Variants in SFI1 observed in about 807,000 individuals in gnomAD.
SFI1 encodes protein SFI1 homolog.
SFI1 carries 195 observed loss-of-function variants against 207.5 expected under a neutral mutation model. The ratio of observed to expected loss-of-function variants is 0.94; its 90% CI spans 0.84 to 1.06. The LOEUF is 1.06. SFI1 is among the 50% of genes least tolerant of loss of function. SFI1 has a pLI of 0.00. For synonymous variants in SFI1, 630 were observed against 598.9 expected (o/e 1.05, Z -0.76); for missense variants, 1,634 against 1,588.0 (o/e 1.03, Z -0.49).
At chr22:31,541,020 G>A (rs1274007223) in intron 4 of SFI1, among the ~76,000 whole-genome samples, 2 of 152,080 alleles carry the variant, frequency 1.3e-5, no homozygotes, top group East Asian at 1.9e-4. Context: ...TCGCCTCTCC[G>A]GAGATATACC....
At chr22:31,584,080 A>C in intron 13 of SFI1, 108 bp downstream of exon 13, 1 of 942,184 alleles carries the variant, frequency 1.1e-6, no homozygotes, top group Non-Finnish European at 1.7e-6. Flanking sequence ...GCAGATTCAG[A>C]AAGGCCTGCT....
chr22:31,508,085 A>T (rs529232336), intron 1 of SFI1, among the ~76,000 whole-genome samples, 170 bp from the exon 2 acceptor site: 24 of 149,632 alleles, frequency 1.6e-4, no homozygotes, highest in Admixed American at 3.4e-4. Context: ...CAAAAAAATT[A>T]AAAAAAAAAG....
intron 15 of SFI1, among the ~76,000 whole-genome samples, chr22:31,592,988 A>ACC (rs1429366473): frequency 1.3e-5 from 1 of 77,550 alleles, no homozygotes. Flanking sequence ...CGGGGGGCTG[A>ACC]CCCCCCCACC....
intron 2 of SFI1, among the ~76,000 whole-genome samples, chr22:31,511,383 C>T (rs894796370): frequency 6.6e-6 from 1 of 151,546 alleles, no homozygotes; most frequent in African/African-American, 2.4e-5. Context: ...CTCTTTAGGC[C>T]TGCTTTATTT....
chr22:31,560,193 A>T (rs2148245787), intron 7 of SFI1, among the ~76,000 whole-genome samples: 1 of 152,106 alleles, frequency 6.6e-6, no homozygotes, highest in Admixed American at 6.6e-5. Context: ...GTGTTTCTGT[A>T]AAGCACAGGT....
In SFI1 at chr22:31,618,136, C is replaced by T; in HGVS notation, c.3534C>T (p.Ser1178=). The part of the protein sequence containing the change: ...QNLWSCRRQA[S]SLRRWLELNR... ...TCAGGTCCTGTCGGCGGCAAGCGAG[C>T]AGCCTGCGCAGGTGGCTGGAGCTGA... The change falls in exon 32 of 33, where the codon AGC becomes AGT. Residue 1178 remains serine, a synonymous_variant. Transcript: ENST00000400288. 7.6e-6 allele frequency: 12 copies of T among 1,581,802 alleles called. No homozygotes were observed. Among genetic ancestry groups the T allele is most frequent in the Non-Finnish European group, 1.0e-5 (12 of 1,165,950 alleles).
intron 9 of SFI1, among the ~76,000 whole-genome samples, chr22:31,573,699 A>C (rs773152604): frequency 5.3e-5 from 8 of 152,128 alleles, no homozygotes; most frequent in African/African-American, 9.7e-5. Flanking sequence ...CAGCCTCCCA[A>C]AGTGCTGGGA....
intron 14 of SFI1, among the ~76,000 whole-genome samples, 186 bp downstream of exon 14, chr22:31,585,320 C>A (rs1434760500): frequency 1.3e-5 from 2 of 152,186 alleles, no homozygotes; most frequent in Non-Finnish European, 2.9e-5. Context: ...GTCTGCATAA[C>A]TCCCATTTCT....
At chr22:31,618,017 A>T (rs2072079461) in intron 31 of SFI1, 98 bp from the exon 32 acceptor site, 2 of 1,357,296 alleles carry the variant, frequency 1.5e-6, no homozygotes, top group Non-Finnish European at 2.0e-6. Context: ...TCTCCACCCG[A>T]TACCCGCATC....
At chr22:31,605,448 C>T (rs2068806371) in intron 20 of SFI1, 1 of 153,656 alleles carries the variant, frequency 6.5e-6, no homozygotes, top group African/African-American at 2.4e-5. Flanking sequence ...AAGCCCAACT[C>T]TAACCTCACT....
intron 6 of SFI1, among the ~76,000 whole-genome samples, chr22:31,553,835 TA>T: frequency 7.9e-6 from 1 of 126,570 alleles, no homozygotes; most frequent in Admixed American, 8.7e-5. Context: ...TTTAATGGAT[TA>T]TGTTTTTTTT....
Position 31,561,409 on chromosome 22 carries a change from T to C in SFI1, c.765+17T>C, listed in dbSNP as rs2061687331. The C allele has an allele frequency of 6.2e-7, 1 of 1,605,790 alleles. No homozygotes were observed. The highest frequency in any genetic ancestry group is 1.3e-5 in the African/African-American group (1 of 74,718). On this transcript the variant is annotated intron_variant, in intron 8 of 32. Transcript: ENST00000400288. Reference sequence around the variant, plus strand: ...CAGGTGCAGGTGAGTCCAGCAGACGTGGGATTTGGCATCCTCTGTCAGTGT... The same window carrying C: ...CAGGTGCAGGTGAGTCCAGCAGACGCGGGATTTGGCATCCTCTGTCAGTGT...
intron 2 of SFI1, among the ~76,000 whole-genome samples, chr22:31,526,804 C>T (rs2057963608): frequency 6.6e-6 from 1 of 152,178 alleles, no homozygotes; most frequent in East Asian, 1.9e-4. Flanking sequence ...CTCAGGTGAT[C>T]CGCCTGCCTC....
rs201405922 is a variant in SFI1 at position 31,604,912 on chromosome 22, C to A, written c.2021C>A (p.Ala674Asp). The A allele has an allele frequency of 2.9e-4, 470 of 1,611,036 alleles. 1 individual carries two copies. Among genetic ancestry groups the A allele is most frequent in the Non-Finnish European group, 3.8e-4 (446 of 1,178,590 alleles). ...RVRSILREVAARESQHNRQLL... is the reference protein window; with the variant it reads ...RVRSILREVADRESQHNRQLL... Reference sequence around the variant, plus strand: ...CGAAGCATCCTCCGGGAGGTGGCAGCCAGGGAGAGCCAGCACAACAGGCAG... The same window carrying A: ...CGAAGCATCCTCCGGGAGGTGGCAGACAGGGAGAGCCAGCACAACAGGCAG... Residue 674 changes from alanine (A) to aspartate (D), a missense_variant, in exon 20 of 33, where the codon GCC becomes GAC. Coordinates refer to ENST00000400288, the MANE Select transcript of SFI1 (RefSeq NM_001007467.3).
At chr22:31,613,904 G>T (rs759487723) in intron 27 of SFI1, 49 bp downstream of exon 27, 1 of 1,534,652 alleles carries the variant, frequency 6.5e-7, no homozygotes, top group Admixed American at 2.0e-5. Context: ...TGGGCAAAAG[G>T]TTGGATGGCA....
intron 21 of SFI1, 54 bp from the exon 22 acceptor site, chr22:31,607,883 A>G: frequency 2.0e-6 from 3 of 1,538,230 alleles, no homozygotes; most frequent in Non-Finnish European, 2.7e-6. Context: ...CCTGGGGTGG[A>G]CCCGGAAGCC....
chr22:31,576,236 G>A (rs541260157), intron 10 of SFI1, among the ~76,000 whole-genome samples: 15 of 151,932 alleles, frequency 9.9e-5, no homozygotes, highest in Admixed American at 9.8e-4. Flanking sequence ...TGTTGGCCAG[G>A]CTGGTCTCGA....
At chr22:31,531,008 A>G (rs2058464358) in intron 3 of SFI1, 50 bp from the exon 4 acceptor site, 1 of 1,524,978 alleles carries the variant, frequency 6.6e-7, no homozygotes, top group Non-Finnish European at 9.0e-7. Context: ...CTGCTGATGT[A>G]AGCCAAATGG....
chr22:31,538,913 C>T (rs957399774), intron 4 of SFI1, among the ~76,000 whole-genome samples: 3 of 152,084 alleles, frequency 2.0e-5, no homozygotes, highest in African/African-American at 7.2e-5. Flanking sequence ...AAGACCTCTG[C>T]CTTGAAACTC....
Sources: gnomAD v4.1 joint callset for allele counts (sites outside exome capture counted in the v4.1 genomes callset) on GRCh38, gnomAD v4.1.1 for gene constraint, MANE v1.5 for transcripts, NCBI Gene and HGNC (gene_info 2026-07-23, HGNC 2026-07-21) for gene names.